PHTF2: variants seen among roughly 807,000 people sequenced by gnomAD.
The protein encoded by PHTF2 is protein PHTF2.
In PHTF2, 60 loss-of-function variants were observed where a neutral mutation model predicts 101.2. The observed-to-expected ratio is 0.59, with a 90% CI of 0.48 to 0.73. PHTF2 has a LOEUF of 0.73. PHTF2 is among the 30% of genes least tolerant of loss of function. PHTF2 has a pLI of 0.00. For missense variants in PHTF2, 747 were observed against 908.7 expected, an observed-to-expected ratio of 0.82 and a Z score of 2.29; for synonymous variants, 311 against 307.3, an observed-to-expected ratio of 1.01 and a Z score of -0.13.
intron 1 of PHTF2, among the ~76,000 whole-genome samples, chr7:77,828,516 G>A (rs1794849736): frequency 6.6e-6 from 1 of 152,090 alleles, no homozygotes. Context: ...TTAGTATCAA[G>A]ATTATAACTC....
intron 12 of PHTF2, among the ~76,000 whole-genome samples, chr7:77,933,569 A>G (rs1331673590): frequency 6.6e-6 from 1 of 152,206 alleles, no homozygotes; most frequent in Non-Finnish European, 1.5e-5. Context: ...TGAACAATCC[A>G]TGAAAGCATA....
chr7:77,937,259 A>G (rs1384241336), intron 12 of PHTF2, among the ~76,000 whole-genome samples: 3 of 152,204 alleles, frequency 2.0e-5, no homozygotes, highest in Non-Finnish European at 4.4e-5. Context: ...TTTTTTAATG[A>G]TCATAAGTTG....
At chr7:77,951,852 T>C in intron 18 of PHTF2, 140 bp downstream of exon 17, 1 of 546,592 alleles carries the variant, frequency 1.8e-6, no homozygotes, top group Non-Finnish European at 3.2e-6. Context: ...TGCACATACA[T>C]ACAATTTATA....
chr7:77,855,508 G>A (rs1020568316), intron 3 of PHTF2, among the ~76,000 whole-genome samples: 5 of 152,178 alleles, frequency 3.3e-5, no homozygotes, highest in Admixed American at 1.3e-4. Flanking sequence ...TTGCATGCAC[G>A]CCAAGTCCAC....
At chr7:77,849,746 G>T (rs1390119929) in intron 2 of PHTF2, among the ~76,000 whole-genome samples, 2 of 152,022 alleles carry the variant, frequency 1.3e-5, no homozygotes, top group Non-Finnish European at 2.9e-5. Flanking sequence ...TTTATTCCTA[G>T]GTATCTTATT....
chr7:77,886,371 T>C (rs1264932158), intron 3 of PHTF2, among the ~76,000 whole-genome samples: 2 of 152,194 alleles, frequency 1.3e-5, no homozygotes, highest in Admixed American at 6.5e-5. Flanking sequence ...AAGAAAGTTG[T>C]TTCATAGGAG....
intron 2 of PHTF2, among the ~76,000 whole-genome samples, chr7:77,847,968 C>G (rs1463337286): frequency 2.0e-5 from 3 of 152,132 alleles, no homozygotes; most frequent in Non-Finnish European, 4.4e-5. Context: ...AAGTTTGTCT[C>G]TCTGTGCCTG....
intron 1 of PHTF2, among the ~76,000 whole-genome samples, chr7:77,820,546 G>A (rs997683702): frequency 1.3e-5 from 2 of 151,742 alleles, no homozygotes; most frequent in African/African-American, 4.8e-5. Flanking sequence ...GTGTGTGTTT[G>A]TGTATACGTA....
intron 12 of PHTF2, among the ~76,000 whole-genome samples, chr7:77,934,794 A>G (rs1050606235): frequency 2.6e-5 from 4 of 152,006 alleles, no homozygotes. Flanking sequence ...TAAAAATACA[A>G]AAATTAGTCG....
chr7:77,818,173 A>G (rs969331537), intron 1 of PHTF2, among the ~76,000 whole-genome samples: 2 of 150,392 alleles, frequency 1.3e-5, no homozygotes, highest in South Asian at 4.2e-4. Context: ...TCCCTGTCCC[A>G]TGAATAGTTT....
chr7:77,929,017 C>CA (rs1804316614), intron 11 of PHTF2, 92 bp from the exon 11 acceptor site: 1 of 861,976 alleles, frequency 1.2e-6, no homozygotes, highest in African/African-American at 1.7e-5. Context: ...GTTGTTTTAG[C>CA]AAAAAGTATC....
intron 3 of PHTF2, among the ~76,000 whole-genome samples, chr7:77,877,472 A>C (rs569157702): frequency 6.6e-6 from 1 of 152,334 alleles, no homozygotes; most frequent in Admixed American, 6.5e-5. Flanking sequence ...GTTAAGTAGA[A>C]AAGCAGAAGT....
At chr7:77,860,300 TGAG>T (rs1797530990) in intron 3 of PHTF2, among the ~76,000 whole-genome samples, 1 of 152,236 alleles carries the variant, frequency 6.6e-6, no homozygotes, top group South Asian at 2.1e-4. Context: ...ATCAAATGTA[TGAG>T]AATATTATTT....
intron 3 of PHTF2, among the ~76,000 whole-genome samples, chr7:77,890,674 C>T (rs1270846416): frequency 1.2e-4 from 16 of 137,038 alleles, no homozygotes; most frequent in Non-Finnish European, 1.7e-4. Flanking sequence ...GGCGCAATCT[C>T]GGCTCACCGC....
chr7:77,866,824 G>A (rs1288792587), intron 3 of PHTF2, among the ~76,000 whole-genome samples: 1 of 152,158 alleles, frequency 6.6e-6, no homozygotes, highest in Non-Finnish European at 1.5e-5. Flanking sequence ...AACAAGGATG[G>A]TGCTGTAGCC....
rs184687458 is a variant in PHTF2 at position 77,808,646 on chromosome 7, A to G, written c.-36+9675A>G. ...GGGGAATCCTCTACAGAGCTACAGC[A>G]CTCTCTTTGTGCAGCTCTCTCCTCT... On this transcript the variant is annotated intron_variant, in intron 1 of 19. Coordinates refer to ENST00000416283, the Ensembl canonical transcript of PHTF2. 6.6e-5 allele frequency among the ~76,000 whole-genome samples: 10 copies of G among 152,250 alleles called. No homozygotes were observed. The East Asian group carries it at 1.7e-3, about 26-fold the overall frequency.
intron 19 of PHTF2, 92 bp downstream of exon 18, chr7:77,953,986 T>A: frequency 1.1e-6 from 1 of 944,348 alleles, no homozygotes; most frequent in Non-Finnish European, 1.6e-6. Context: ...ATGCGGTCAT[T>A]TTGGTAAGAT....
intron 3 of PHTF2, among the ~76,000 whole-genome samples, chr7:77,857,396 G>A (rs1797269178): frequency 6.6e-6 from 1 of 152,166 alleles, no homozygotes; most frequent in Admixed American, 6.5e-5. Flanking sequence ...TTTGCCCCAA[G>A]CTTTGAGTAG....
chr7:77,915,854 C>T (rs927898616), intron 9 of PHTF2, among the ~76,000 whole-genome samples: 2 of 152,068 alleles, frequency 1.3e-5, no homozygotes, highest in Non-Finnish European at 2.9e-5. Flanking sequence ...AACTACTAGC[C>T]TTGCTGTCCA....
Sources: allele counts gnomAD v4.1 joint callset (sites outside exome capture counted in the v4.1 genomes callset), GRCh38; gene constraint gnomAD v4.1.1; transcripts MANE v1.5; gene names NCBI Gene and HGNC (gene_info 2026-07-23, HGNC 2026-07-21).